The following TSPAN9 variants were observed in gnomAD, a reference collection of about 807,000 sequenced individuals.
The protein encoded by TSPAN9 is tetraspanin-9.
A neutral mutation model predicts 31.0 loss-of-function variants in TSPAN9; 16 were observed. That is an observed-to-expected ratio of 0.52 (90% CI 0.35 to 0.78). TSPAN9 has a LOEUF of 0.78. Among genes scored for constraint, TSPAN9 ranks in the 30% least tolerant of loss-of-function variants. The pLI is 0.01. For synonymous variants in TSPAN9, 145 were observed against 121.6 expected (o/e 1.19, Z -1.27); for missense variants, 272 against 312.5 (o/e 0.87, Z 0.98).
At chr12:3,221,149 T>A (rs563895744) in intron 3 of TSPAN9, among the ~76,000 whole-genome samples, 1 of 145,158 alleles carries the variant, frequency 6.9e-6, no homozygotes, top group Non-Finnish European at 1.5e-5. Flanking sequence ...GACTGGGCAG[T>A]CCTCTTGTTG....
At chr12:3,207,539 C>T (rs948371479) in intron 3 of TSPAN9, among the ~76,000 whole-genome samples, 1 of 152,088 alleles carries the variant, frequency 6.6e-6, no homozygotes, top group African/African-American at 2.4e-5. Context: ...GCTTCTAACT[C>T]GACTCTTTAA....
At chr12:3,221,363 T>TAAAA (rs2098384474) in intron 3 of TSPAN9, among the ~76,000 whole-genome samples, 2 of 149,160 alleles carry the variant, frequency 1.3e-5, no homozygotes. Context: ...TTTTTCTCTT[T>TAAAA]TTTTTTTTTT....
rs144651418 is a variant in TSPAN9, at chr12:3,202,205, C to T, written c.63+949C>T. Among the ~76,000 whole-genome samples, 43 of 152,326 alleles carry T rather than the reference C, an allele frequency of 2.8e-4. No homozygotes were observed. In the East Asian group the frequency reaches 6.0e-3, roughly 21 times the overall value. Reference sequence around the variant, plus strand: ...CGAATCGTTCCTTCATCCCAATTGCCGTCTCTGCCTTTCTTCACCCAAGCC... The same window carrying T: ...CGAATCGTTCCTTCATCCCAATTGCTGTCTCTGCCTTTCTTCACCCAAGCC... On this transcript the variant is annotated intron_variant, in intron 3 of 8. Transcript: ENST00000011898.
rs1565622473 is a variant in TSPAN9 at position 3,226,761 on chromosome 12, TATATATATATATATA to T, written c.63+25506_63+25520del. 1.1e-3 allele frequency among the ~76,000 whole-genome samples: 2 copies of T among 1,784 alleles called. 1 individual carries two copies. Among genetic ancestry groups the T allele is most frequent in the Non-Finnish European group, 2.6e-3 (2 of 764 alleles). The allele number at this position is 1,784 out of a possible 152,430, so 1.2% of individuals were successfully genotyped here. A position where few individuals can be genotyped will look rare whatever the true frequency, so the allele number is the denominator to read the frequency against. On this transcript the variant is annotated intron_variant, in intron 3 of 8. Transcript: ENST00000011898. ...GTGTGTGTGTATATATATATATATA[TATATATATATATATA>T]TATATATATATATATATATTTTTTT...
intron 3 of TSPAN9, among the ~76,000 whole-genome samples, chr12:3,205,578 A>G (rs1041667871): frequency 1.3e-5 from 2 of 152,094 alleles, no homozygotes; most frequent in Non-Finnish European, 2.9e-5. Context: ...TAAGGAGTCT[A>G]TGGGGTGCCT....
At chr12:3,201,094 C>A in intron 2 of TSPAN9, 83 bp from the exon 3 acceptor site, 1 of 1,309,266 alleles carries the variant, frequency 7.6e-7, no homozygotes, top group Non-Finnish European at 1.1e-6. Flanking sequence ...CCGAGGCCGG[C>A]GTTAAGACCG....
intron 3 of TSPAN9, 150 bp from the exon 4 acceptor site, chr12:3,278,271 G>A: frequency 9.3e-7 from 1 of 1,078,020 alleles, no homozygotes; most frequent in Admixed American, 2.4e-5. Context: ...ACATGCTTCG[G>A]GTCTGCAGCC....
chr12:3,100,256 T>G (rs1000232427), intron 2 of TSPAN9, among the ~76,000 whole-genome samples: 9 of 152,298 alleles, frequency 5.9e-5, no homozygotes, highest in Non-Finnish European at 1.2e-4. Context: ...TCTTGTGGAT[T>G]TCACCCCACT....
At chr12:3,203,512 A>G (rs926470689) in intron 3 of TSPAN9, among the ~76,000 whole-genome samples, 2 of 152,118 alleles carry the variant, frequency 1.3e-5, no homozygotes, top group Non-Finnish European at 2.9e-5. Context: ...GGTGGAATAT[A>G]TTTTCGTTAC....
At chr12:3,131,875 C>T (rs2098329970) in intron 2 of TSPAN9, among the ~76,000 whole-genome samples, 1 of 152,206 alleles carries the variant, frequency 6.6e-6, no homozygotes, top group African/African-American at 2.4e-5. Flanking sequence ...CCACTACTTG[C>T]TTCCATGGCT....
At chr12:3,223,381 G>A (rs1401077194) in intron 3 of TSPAN9, among the ~76,000 whole-genome samples, 1 of 152,192 alleles carries the variant, frequency 6.6e-6, no homozygotes, top group Non-Finnish European at 1.5e-5. Context: ...GACGGGAATG[G>A]GGCTGGGGAC....
intron 2 of TSPAN9, among the ~76,000 whole-genome samples, chr12:3,119,959 C>G (rs2098324322): frequency 6.6e-6 from 1 of 152,140 alleles, no homozygotes; most frequent in African/African-American, 2.4e-5. Context: ...GTGCACGTCA[C>G]TCTGCTTTCT....
chr12:3,197,080 T>C (rs1432476634), intron 2 of TSPAN9, among the ~76,000 whole-genome samples: 1 of 152,174 alleles, frequency 6.6e-6, no homozygotes, highest in Non-Finnish European at 1.5e-5. Flanking sequence ...CAACTGACTT[T>C]ATGCTTGTAA....
chr12:3,174,166 C>G (rs2153970570), intron 2 of TSPAN9: 1 of 152,414 alleles, frequency 6.6e-6, no homozygotes. Context: ...CTGCTGAGCT[C>G]AAGCGATCCT....
chr12:3,126,028 C>G (rs1345415094), intron 2 of TSPAN9, among the ~76,000 whole-genome samples: 1 of 152,178 alleles, frequency 6.6e-6, no homozygotes, highest in Non-Finnish European at 1.5e-5. Flanking sequence ...AGTGAAAATG[C>G]TCTCCTATAG....
intron 2 of TSPAN9, among the ~76,000 whole-genome samples, chr12:3,160,316 G>A (rs2098344396): frequency 6.6e-6 from 1 of 152,110 alleles, no homozygotes; most frequent in Non-Finnish European, 1.5e-5. Flanking sequence ...TCATTCCATG[G>A]GTATGCTACG....
rs183197376 is a variant in TSPAN9 at position 3,204,703 on chromosome 12, C to T, written c.63+3447C>T. ...CTCTTTGTCTTCTGCATCCCCTGCC[C>T]CGACTCTCAGGGCTAAAGACAATGC... On this transcript the variant is annotated intron_variant, in intron 3 of 8. Transcript: ENST00000011898. Among the ~76,000 whole-genome samples, 18 of 152,238 alleles carry T rather than the reference C, an allele frequency of 1.2e-4. No homozygotes were observed. The East Asian group carries it at 3.5e-3, about 29-fold the overall frequency.
rs558043304 is a variant in TSPAN9 at position 3,262,970 on chromosome 12, G to T, written c.64-15451G>T. Reference sequence around the variant, plus strand: ...AACCAGGGCCTTTGACCATGATGTCGTCTCACAAGGGGGCGAGCAGTAAAT... The same window carrying T: ...AACCAGGGCCTTTGACCATGATGTCTTCTCACAAGGGGGCGAGCAGTAAAT... On this transcript the variant is annotated intron_variant, in intron 3 of 8. Coordinates refer to ENST00000011898, the MANE Select transcript of TSPAN9 (RefSeq NM_006675.5). Among the ~76,000 whole-genome samples the T allele has an allele frequency of 1.4e-3, 213 of 152,264 alleles. 2 individuals carry two copies. Among genetic ancestry groups the T allele is most frequent in the African/African-American group, 5.0e-3 (206 of 41,550 alleles).
chr12:3,145,876 C>A (rs1251294718), intron 2 of TSPAN9, among the ~76,000 whole-genome samples: 1 of 152,236 alleles, frequency 6.6e-6, no homozygotes, highest in African/African-American at 2.4e-5. Flanking sequence ...TCCGAAATCA[C>A]CTGTGGTGGG....
Sources: allele counts gnomAD v4.1 joint callset (sites outside exome capture counted in the v4.1 genomes callset), GRCh38; gene constraint gnomAD v4.1.1; transcripts MANE v1.5; gene names NCBI Gene and HGNC (gene_info 2026-07-23, HGNC 2026-07-21).